ZMIZ1: variants seen among roughly 807,000 people sequenced by gnomAD.
ZMIZ1 encodes the protein zinc finger MIZ domain-containing protein 1.
Under a neutral mutation model 113.9 loss-of-function variants are expected in ZMIZ1, and 17 were observed. That is an observed-to-expected ratio of 0.15 (90% CI 0.10 to 0.22). The LOEUF is 0.22. Ranked by LOEUF, ZMIZ1 falls within the 10% of genes least tolerant of loss-of-function variation. The pLI is 1.00. For synonymous variants in ZMIZ1, 607 were observed against 603.1 expected (o/e 1.01, Z -0.09); for missense variants, 1,059 against 1,477.8 (o/e 0.72, Z 4.65).
At chr10:79,190,932 G>T (rs2132611797) in intron 4 of ZMIZ1, among the ~76,000 whole-genome samples, 1 of 152,174 alleles carries the variant, frequency 6.6e-6, no homozygotes, top group East Asian at 1.9e-4. Context: ...CCCCTCTCTG[G>T]CCTCTGTTCA....
At position 79,217,374 on chromosome 10, in the gene ZMIZ1, G is replaced by A. The variant is rs182090197; in HGVS notation, c.280+1100G>A. 7.6e-3 allele frequency among the ~76,000 whole-genome samples: 1,154 copies of A among 152,168 alleles called. 13 individuals carry two copies. Among genetic ancestry groups the A allele is most frequent in the African/African-American group, 0.026 (1,082 of 41,514 alleles). On this transcript the variant is annotated intron_variant, in intron 7 of 24. Transcript: ENST00000334512. ...CAGGAGGCGGGGCTTGCAGTGAACC[G>A]AGATCGCGCCACTGCACTCCAGCCT...
intron 2 of ZMIZ1, among the ~76,000 whole-genome samples, chr10:79,130,157 G>C (rs983397845): frequency 6.6e-6 from 1 of 152,166 alleles, no homozygotes; most frequent in Non-Finnish European, 1.5e-5. Flanking sequence ...CCCCTGCTGG[G>C]GACCATCTTC....
intron 4 of ZMIZ1, among the ~76,000 whole-genome samples, chr10:79,183,227 G>A (rs1456205423): frequency 2.0e-5 from 3 of 152,234 alleles, no homozygotes; most frequent in East Asian, 1.9e-4. Flanking sequence ...AATTCACGAC[G>A]TGTCTGCCTG....
intron 19 of ZMIZ1, among the ~76,000 whole-genome samples, 168 bp downstream of exon 19, chr10:79,304,343 G>C (rs938307135): frequency 5.3e-5 from 8 of 152,238 alleles, no homozygotes; most frequent in African/African-American, 1.9e-4. Flanking sequence ...TTATCTTTGA[G>C]CATCTTTTCT....
chr10:79,123,242 G>A (rs772718140), intron 2 of ZMIZ1, among the ~76,000 whole-genome samples: 1 of 152,212 alleles, frequency 6.6e-6, no homozygotes, highest in Non-Finnish European at 1.5e-5. Context: ...TGAGTGTGGA[G>A]GATGCTGGCA....
chr10:79,311,206 C>A, intron 24 of ZMIZ1, 22 bp downstream of exon 24: 1 of 1,595,346 alleles, frequency 6.3e-7, no homozygotes, highest in Non-Finnish European at 8.5e-7. Context: ...TCGCCACTCG[C>A]CTTGGCCTGG....
At chr10:79,100,051 A>G (rs1427735455) in intron 1 of ZMIZ1, among the ~76,000 whole-genome samples, 1 of 152,078 alleles carries the variant, frequency 6.6e-6, no homozygotes, top group Non-Finnish European at 1.5e-5. Flanking sequence ...CTCAGAGCAC[A>G]TCTCTTGTTG....
In ZMIZ1 at chr10:79,296,388, C is replaced by A; in HGVS notation, c.1231-83C>A. ...CAGGAGCAAATGAGGAGAGGCGGGC[C>A]CCATCCCGTTGTTCAGGTGACCTGG... is the stretch of plus-strand genomic sequence containing the variant. On this transcript the variant is annotated intron_variant, in intron 12 of 24. Coordinates refer to ENST00000334512, the MANE Select transcript of ZMIZ1 (RefSeq NM_020338.4). This position sits in a 1 kb window ranked among gnomAD's most constrained non-coding sequence, Gnocchi z 4.1. 1 of 1,466,156 alleles carries A rather than the reference C, an allele frequency of 6.8e-7. No individual in the cohort carries two copies. The highest frequency in any genetic ancestry group is 9.5e-7 in the Non-Finnish European group (1 of 1,055,834). The allele number at this position is 1,466,156 out of a possible 1,614,324, so 90.8% of individuals were successfully genotyped here. A position where few individuals can be genotyped will look rare whatever the true frequency, so the allele number is the denominator to read the frequency against.
intron 7 of ZMIZ1, among the ~76,000 whole-genome samples, chr10:79,274,394 C>T (rs59873235): frequency 0.016 from 2,485 of 152,318 alleles, 77 homozygotes; most frequent in African/African-American, 0.052. Flanking sequence ...TGGCCAGGCG[C>T]ACCCAGACAC....
intron 3 of ZMIZ1, among the ~76,000 whole-genome samples, chr10:79,148,130 T>C (rs551188032): frequency 3.0e-3 from 445 of 150,480 alleles, no homozygotes; most frequent in Non-Finnish European, 5.1e-3. Context: ...CCTCCCTGCT[T>C]CTTCCCTCTT....
chr10:79,149,954 A>G (rs2132447222), intron 3 of ZMIZ1, among the ~76,000 whole-genome samples: 1 of 152,330 alleles, frequency 6.6e-6, no homozygotes, highest in Non-Finnish European at 1.5e-5. Context: ...GCCTAGAGGT[A>G]AGAGGCCAAA....
At chr10:79,257,875 A>G (rs1851019267) in intron 7 of ZMIZ1, among the ~76,000 whole-genome samples, 1 of 152,214 alleles carries the variant, frequency 6.6e-6, no homozygotes, top group South Asian at 2.1e-4. Flanking sequence ...CTCTTCAGAC[A>G]ATAGCCCTAC....
intron 3 of ZMIZ1, among the ~76,000 whole-genome samples, chr10:79,147,276 C>T (rs900177997): frequency 3.9e-5 from 6 of 152,176 alleles, no homozygotes; most frequent in African/African-American, 1.4e-4. Flanking sequence ...ACCCATCTGT[C>T]AAGAAAAGGC....
chr10:79,223,626 A>G (rs1849082824), intron 7 of ZMIZ1, among the ~76,000 whole-genome samples: 1 of 152,222 alleles, frequency 6.6e-6, no homozygotes, highest in African/African-American at 2.4e-5. Context: ...TGGGAAAGGC[A>G]ACTGGCGCTC....
chr10:79,284,612 T>A (rs1353845005), intron 8 of ZMIZ1, among the ~76,000 whole-genome samples: 1 of 152,222 alleles, frequency 6.6e-6, no homozygotes, highest in African/African-American at 2.4e-5. Flanking sequence ...TCTACCAGGT[T>A]CTGTGCTAAA....
rs758621365 is a variant in ZMIZ1 at position 79,302,681 on chromosome 10, C to CTTTTT, written c.2125+489_2125+493dup. Among the ~76,000 whole-genome samples the CTTTTT allele has an allele frequency of 3.1e-3, 131 of 41,788 alleles. 8 individuals are homozygous for CTTTTT. Among genetic ancestry groups the CTTTTT allele is most frequent in the South Asian group, 9.4e-3 (8 of 852 alleles). 27.4% of individuals were successfully genotyped at this position (41,788 alleles called of 152,430 possible). ...GGCCTCCCTACTTCAACAGCTCATGCTTTTTTTTTTTTTTTTTTTTTTTTG... is the reference window on the plus strand; with the variant it reads ...GGCCTCCCTACTTCAACAGCTCATGCTTTTTTTTTTTTTTTTTTTTTTTTTTTTTG... On this transcript the variant is annotated intron_variant, in intron 18 of 24. Transcript: ENST00000334512.
chr10:79,280,545 G>A (rs1386152078), intron 8 of ZMIZ1, among the ~76,000 whole-genome samples: 1 of 150,884 alleles, frequency 6.6e-6, no homozygotes, highest in East Asian at 2.0e-4. Flanking sequence ...AACGTGCTGG[G>A]ATTACAGGCA....
intron 3 of ZMIZ1, among the ~76,000 whole-genome samples, chr10:79,146,993 A>G (rs1845520231): frequency 6.6e-6 from 1 of 151,936 alleles, no homozygotes; most frequent in African/African-American, 2.4e-5. Flanking sequence ...TCCCTGGCCA[A>G]GGAAACCTTA....
At chr10:79,080,042 G>A (rs550564289) in intron 1 of ZMIZ1, among the ~76,000 whole-genome samples, 2 of 152,314 alleles carry the variant, frequency 1.3e-5, no homozygotes, top group East Asian at 3.9e-4. Flanking sequence ...GCTGTTGGTG[G>A]GGAGAGGCAG....
Sources: gnomAD v4.1 joint callset for allele counts (sites outside exome capture counted in the v4.1 genomes callset) on GRCh38, gnomAD v4.1.1 for gene constraint, Gnocchi (gnomAD v3.1) non-coding constraint, MANE v1.5 for transcripts, NCBI Gene and HGNC (gene_info 2026-07-23, HGNC 2026-07-21) for gene names.